Variants in ABTB3 observed in about 807,000 individuals in gnomAD.
The protein encoded by ABTB3 is ankyrin repeat- and BTB/POZ domain-containing protein 3.
At chr12:107,401,467 AC>A in the ABTB3 span, among the ~76,000 whole-genome samples, 2 of 152,184 alleles carry the variant, frequency 1.3e-5, no homozygotes, top group Non-Finnish European at 2.9e-5. Context: ...GATATTCAAT[AC>A]CAGGAACACC....
chr12:107,553,447 G>C, the ABTB3 span, among the ~76,000 whole-genome samples: 1 of 152,158 alleles, frequency 6.6e-6, no homozygotes, highest in African/African-American at 2.4e-5. Flanking sequence ...TATCACAAAT[G>C]TCAAATGAGT....
chr12:107,637,830 GTGT>G, the ABTB3 span, among the ~76,000 whole-genome samples: 1 of 138,902 alleles, frequency 7.2e-6, no homozygotes, highest in East Asian at 2.2e-4. Flanking sequence ...GTGTGTGTGT[GTGT>G]GGTATGGTGT....
At chr12:107,572,864 C>T in the ABTB3 span, among the ~76,000 whole-genome samples, 1 of 152,186 alleles carries the variant, frequency 6.6e-6, no homozygotes, top group Non-Finnish European at 1.5e-5. Context: ...CTAGACCTGC[C>T]TGTCCTCAGT....
the ABTB3 span, among the ~76,000 whole-genome samples, chr12:107,323,070 T>C: frequency 6.6e-6 from 1 of 152,218 alleles, no homozygotes; most frequent in African/African-American, 2.4e-5. Context: ...TATTGTACTG[T>C]ATTATACAAT....
chr12:107,518,565 G>A, the ABTB3 span, among the ~76,000 whole-genome samples: 2 of 139,042 alleles, frequency 1.4e-5, no homozygotes, highest in Admixed American at 8.0e-5. Flanking sequence ...AGAACACTTG[G>A]ACACAGGAAG....
At chr12:107,456,362 G>A in the ABTB3 span, among the ~76,000 whole-genome samples, 475 of 152,318 alleles carry the variant, frequency 3.1e-3, 4 homozygotes, top group African/African-American at 0.011. Context: ...ATTTATAGTC[G>A]TTTCCCGTTG....
the ABTB3 span, among the ~76,000 whole-genome samples, chr12:107,470,000 CTTTCTTTCTT>C: frequency 5.7e-3 from 546 of 96,092 alleles, 31 homozygotes; most frequent in Middle Eastern, 9.3e-3. Context: ...TTCTTTCTTT[CTTTCTTTCTT>C]TCTCTCTCTC....
chr12:107,398,587 T>C, the ABTB3 span, among the ~76,000 whole-genome samples: 1 of 152,196 alleles, frequency 6.6e-6, no homozygotes, highest in Admixed American at 6.5e-5. Context: ...TTATTTCCCA[T>C]TGTGGCTCTT....
the ABTB3 span, among the ~76,000 whole-genome samples, chr12:107,435,501 G>A: frequency 2.6e-5 from 4 of 152,336 alleles, no homozygotes; most frequent in Non-Finnish European, 2.9e-5. Context: ...CTGGGATGAA[G>A]GTACTGTAAG....
the ABTB3 span, among the ~76,000 whole-genome samples, chr12:107,418,579 C>T: frequency 6.6e-6 from 1 of 152,170 alleles, no homozygotes; most frequent in Admixed American, 6.5e-5. Context: ...TTCTTATCCA[C>T]CACACAGTAG....
chr12:107,547,587 T>G, the ABTB3 span, among the ~76,000 whole-genome samples: 2 of 152,204 alleles, frequency 1.3e-5, no homozygotes, highest in African/African-American at 4.8e-5. Flanking sequence ...TTTATCTCAT[T>G]CTTTCCATGC....
the ABTB3 span, among the ~76,000 whole-genome samples, chr12:107,382,468 T>G: frequency 6.6e-6 from 1 of 152,208 alleles, no homozygotes; most frequent in Non-Finnish European, 1.5e-5. Flanking sequence ...TTGTCTATTA[T>G]TGGTGTATAG....
the ABTB3 span, among the ~76,000 whole-genome samples, chr12:107,489,295 C>A: frequency 1.3e-5 from 2 of 152,238 alleles, no homozygotes; most frequent in Non-Finnish European, 2.9e-5. Context: ...CCAAGGCAGG[C>A]GGATCACTTG....
At chr12:107,383,812 G>A in the ABTB3 span, among the ~76,000 whole-genome samples, 1 of 152,200 alleles carries the variant, frequency 6.6e-6, no homozygotes, top group Non-Finnish European at 1.5e-5. Flanking sequence ...GAAATGGTGT[G>A]TGTCCCCAGG....
At chr12:107,444,280 T>C in the ABTB3 span, among the ~76,000 whole-genome samples, 7 of 152,164 alleles carry the variant, frequency 4.6e-5, no homozygotes, top group Non-Finnish European at 8.8e-5. Flanking sequence ...TTCTAAACTG[T>C]ACATTGGCAT....
the ABTB3 span, chr12:107,651,805 C>T: frequency 8.8e-6 from 14 of 1,597,712 alleles, no homozygotes; most frequent in South Asian, 2.2e-5. Flanking sequence ...ATCTCATTCT[C>T]GCGCAGTGCG....
At chr12:107,376,394 A>G in the ABTB3 span, among the ~76,000 whole-genome samples, 7 of 152,206 alleles carry the variant, frequency 4.6e-5, no homozygotes, top group African/African-American at 1.7e-4. Flanking sequence ...ATTTGCATTT[A>G]TGCTGCAAAC....
chr12:107,401,309 G>A, the ABTB3 span, among the ~76,000 whole-genome samples: 8 of 152,192 alleles, frequency 5.3e-5, no homozygotes, highest in African/African-American at 1.4e-4. Flanking sequence ...TCTGCAAGCC[G>A]TATGACTTAT....
the ABTB3 span, among the ~76,000 whole-genome samples, chr12:107,483,041 A>C: frequency 7.0e-6 from 1 of 142,688 alleles, no homozygotes; most frequent in African/African-American, 2.6e-5. Context: ...TCTTTTTTCC[A>C]AACACAGGAT....
Sources: gnomAD v4.1 joint callset for allele counts (sites outside exome capture counted in the v4.1 genomes callset) on GRCh38, gnomAD v4.1.1 for gene constraint, MANE v1.5 for transcripts, NCBI Gene and HGNC (gene_info 2026-07-23, HGNC 2026-07-21) for gene names.